The following SERGEF variants were observed in gnomAD, a reference collection of about 807,000 sequenced individuals.
SERGEF encodes the protein secretion regulating guanine nucleotide exchange factor.
Under a neutral mutation model 50.0 loss-of-function variants are expected in SERGEF, and 51 were observed. The ratio of observed to expected loss-of-function variants is 1.02; its 90% CI spans 0.81 to 1.29. The LOEUF is 1.29. SERGEF is among the 50% of genes most tolerant of loss of function. The pLI, the probability that SERGEF is intolerant of heterozygous loss-of-function variation, is 0.00. For synonymous variants in SERGEF, 205 were observed against 212.4 expected (o/e 0.97, Z 0.30); for missense variants, 521 against 557.0 (o/e 0.94, Z 0.65).
At position 17,961,723 on chromosome 11, in the gene SERGEF, A is replaced by G. The variant is rs146304783; in HGVS notation, c.845-2087T>C. 4.7e-3 allele frequency among the ~76,000 whole-genome samples: 719 copies of G among 152,278 alleles called. 8 individuals are homozygous for G. Among genetic ancestry groups the G allele is most frequent in the African/African-American group, 0.016 (667 of 41,550 alleles). ...AATCCTCATACTCTCTGCGGAGGCCATAGACATTCTGGTTAAGACAAGTCC... is the reference window on the plus strand; with the variant it reads ...AATCCTCATACTCTCTGCGGAGGCCGTAGACATTCTGGTTAAGACAAGTCC... On this transcript the variant is annotated intron_variant, in intron 8 of 10. Coordinates refer to ENST00000265965, the MANE Select transcript of SERGEF (RefSeq NM_012139.4).
intron 10 of SERGEF, among the ~76,000 whole-genome samples, chr11:17,834,697 A>G (rs889965974): frequency 6.6e-6 from 1 of 152,118 alleles, no homozygotes; most frequent in African/African-American, 2.4e-5. Flanking sequence ...TGCTTCCTCA[A>G]TACTTTGGTC....
chr11:17,834,611 T>A (rs1040477564), intron 10 of SERGEF, among the ~76,000 whole-genome samples: 1 of 152,218 alleles, frequency 6.6e-6, no homozygotes, highest in Admixed American at 6.5e-5. Flanking sequence ...GATGATCTGA[T>A]CCTAACCTTT....
At chr11:17,801,213 GA>G (rs1347391654) in intron 10 of SERGEF, among the ~76,000 whole-genome samples, 3 of 146,444 alleles carry the variant, frequency 2.0e-5, no homozygotes, top group South Asian at 2.2e-4. Flanking sequence ...AAAAAAGAAA[GA>G]AAAAAAAATT....
rs377173291 is a variant in SERGEF, at chr11:17,788,286, C to T, written c.1176G>A (p.Gly392=). The change falls in exon 11 of 11, where the codon GGG becomes GGA. Residue 392 remains glycine (G), a synonymous_variant. Transcript: ENST00000265965. ...GGCAGAGGGCCAAGGAGTGGCCAGC[C>T]CCACAGCCCACAAGGAGTCCTGACG... The part of the protein sequence containing the change: ...LSSSGLLVGC[G]AGHSLALCQL... 5.6e-6 allele frequency: 9 copies of T among 1,614,206 alleles called. No individual in the cohort carries two copies. In the South Asian group the frequency reaches 8.8e-5, roughly 16 times the overall value.
intron 8 of SERGEF, among the ~76,000 whole-genome samples, chr11:17,977,536 A>G (rs211112): frequency 0.99 from 151,186 of 152,286 alleles, 75,055 homozygotes; most frequent in Middle Eastern, 1. Flanking sequence ...GTTCACCACC[A>G]TAACTCCCCC....
At chr11:17,989,496 C>CT (rs1853667840) in intron 7 of SERGEF, among the ~76,000 whole-genome samples, 1 of 152,204 alleles carries the variant, frequency 6.6e-6, no homozygotes, top group Non-Finnish European at 1.5e-5. Flanking sequence ...ACTGATGACA[C>CT]TGGTAACAAG....
chr11:18,000,788 G>T, intron 4 of SERGEF: 1 of 662,666 alleles, frequency 1.5e-6, no homozygotes, highest in Non-Finnish European at 2.8e-6. Context: ...AACTCTCAGG[G>T]CTGGGAGGCA....
At chr11:17,972,617 C>CA in intron 8 of SERGEF, among the ~76,000 whole-genome samples, 1 of 152,118 alleles carries the variant, frequency 6.6e-6, no homozygotes, top group South Asian at 2.1e-4. Flanking sequence ...ACTGGAAAAA[C>CA]AAAAAAATTG....
At chr11:17,799,495 G>T (rs1293587597) in intron 10 of SERGEF, among the ~76,000 whole-genome samples, 1 of 152,216 alleles carries the variant, frequency 6.6e-6, no homozygotes, top group Non-Finnish European at 1.5e-5. Context: ...GAGGGGTGGA[G>T]GAATGGATGC....
At position 17,888,181 on chromosome 11, in the gene SERGEF, T is replaced by C. The variant is rs546876829; in HGVS notation, c.1012-9937A>G. ...CCACCTCTTCCAGGAAACCGGCCCC[T>C]AGTGCCAAAAAGGTTGGGGACTGCT... On this transcript the variant is annotated intron_variant, in intron 9 of 10. Coordinates refer to ENST00000265965, the MANE Select transcript of SERGEF (RefSeq NM_012139.4). The surrounding 1 kb of genome is among the most constrained non-coding windows in gnomAD (Gnocchi z 4.1). Among the ~76,000 whole-genome samples, 10 of 152,290 alleles carry C rather than the reference T, an allele frequency of 6.6e-5. No individual in the cohort carries two copies. The East Asian group carries it at 1.5e-3, about 24-fold the overall frequency.
intron 10 of SERGEF, among the ~76,000 whole-genome samples, chr11:17,792,427 G>A (rs1565168402): frequency 6.6e-6 from 1 of 152,202 alleles, no homozygotes; most frequent in Non-Finnish European, 1.5e-5. Flanking sequence ...CAGGGATGGG[G>A]GTGGGAGGAA....
At chr11:17,960,222 AGAGGG>A (rs766938844) in intron 8 of SERGEF, among the ~76,000 whole-genome samples, 1 of 152,184 alleles carries the variant, frequency 6.6e-6, no homozygotes, top group Non-Finnish European at 1.5e-5. Flanking sequence ...TATGTGTGCT[AGAGGG>A]AAGGGAGTGA....
chr11:17,838,463 G>A (rs1334726095), intron 10 of SERGEF, among the ~76,000 whole-genome samples: 1 of 152,148 alleles, frequency 6.6e-6, no homozygotes, highest in Non-Finnish European at 1.5e-5. Flanking sequence ...TAGATTAGAA[G>A]TCAGAGGAGG....
intron 4 of SERGEF, among the ~76,000 whole-genome samples, chr11:18,002,697 T>G (rs1853991063): frequency 6.6e-6 from 1 of 152,220 alleles, no homozygotes; most frequent in Non-Finnish European, 1.5e-5. Context: ...TGGTATTACA[T>G]TTAAGTATTT....
chr11:17,820,364 C>T (rs1362743291), intron 10 of SERGEF, among the ~76,000 whole-genome samples: 1 of 152,118 alleles, frequency 6.6e-6, no homozygotes, highest in African/African-American at 2.4e-5. Context: ...GGTGTGGCTC[C>T]CTGCAACCCC....
At chr11:17,814,044 A>G (rs1249494129) in intron 10 of SERGEF, among the ~76,000 whole-genome samples, 1 of 152,224 alleles carries the variant, frequency 6.6e-6, no homozygotes, top group Non-Finnish European at 1.5e-5. Flanking sequence ...TTCAAACCTC[A>G]GCAATGACTT....
At chr11:17,913,077 G>A (rs1851983686) in intron 9 of SERGEF, among the ~76,000 whole-genome samples, 1 of 152,176 alleles carries the variant, frequency 6.6e-6, no homozygotes, top group South Asian at 2.1e-4. Context: ...ACAGACAGAG[G>A]GAAAGAAAAA....
In SERGEF at chr11:18,013,000, T is replaced by C. The variant is rs1446620851; in HGVS notation, c.11A>G (p.Glu4Gly). 13 of 1,446,112 alleles carry C rather than the reference T, an allele frequency of 9.0e-6. No homozygotes were observed. Among genetic ancestry groups the C allele is most frequent in the Non-Finnish European group, 1.1e-5 (12 of 1,110,334 alleles). 89.6% of individuals were successfully genotyped at this position (1,446,112 alleles called of 1,614,324 possible). A position where few individuals can be genotyped will look rare whatever the true frequency, so the allele number is the denominator to read the frequency against. Reference protein sequence around the residue: MEREPSASEAAPAA... With the variant: MERGPSASEAAPAA... ...GGGGGCGGCCTCCGAGGCGCTGGGC[T>C]CGCGCTCCATGCGAGGACGCTCCGC... is the stretch of plus-strand genomic sequence containing the variant. Residue 4 changes from glutamate to glycine, a missense_variant, in exon 1 of 11, where the codon GAG (glutamate) becomes GGG (glycine). Physicochemically the swap from Glu to Gly is moderately conservative, Grantham distance 98. Transcript: ENST00000265965.
chr11:17,825,690 G>C (rs1379598887), intron 10 of SERGEF, among the ~76,000 whole-genome samples: 1 of 152,178 alleles, frequency 6.6e-6, no homozygotes, highest in African/African-American at 2.4e-5. Context: ...AGAGCTTATG[G>C]AAGACTGTGA....
Sources: allele counts gnomAD v4.1 joint callset (sites outside exome capture counted in the v4.1 genomes callset), GRCh38; gene constraint gnomAD v4.1.1; non-coding constraint Gnocchi (gnomAD v3.1); transcripts MANE v1.5; gene names NCBI Gene and HGNC (gene_info 2026-07-23, HGNC 2026-07-21).